Variants in SCN9A observed in about 807,000 individuals in gnomAD.
The protein encoded by SCN9A is sodium voltage-gated channel alpha subunit 9.
SCN9A carries 131 observed loss-of-function variants against 187.0 expected under a neutral mutation model. The observed-to-expected ratio is 0.70, with a 90% confidence interval of 0.61 to 0.81. The LOEUF is 0.81. Among genes scored for constraint, SCN9A ranks in the 30% least tolerant of loss-of-function variants. The pLI, the probability that SCN9A is intolerant of heterozygous loss-of-function variation, is 0.00. For missense variants in SCN9A, 2,252 were observed against 2,396.6 expected (o/e 0.94, Z 1.26); for synonymous variants, 809 against 808.6 (o/e 1.00, Z -0.01).
chr2:166,351,367 G>A (rs910368296), intron 1 of SCN9A, among the ~76,000 whole-genome samples: 3 of 152,156 alleles, frequency 2.0e-5, no homozygotes, highest in Non-Finnish European at 2.9e-5. Context: ...GGAATTTAGG[G>A]ATGATATGTG....
At chr2:166,221,468 A>G (rs936413213) in intron 24 of SCN9A, among the ~76,000 whole-genome samples, 1 of 152,128 alleles carries the variant, frequency 6.6e-6, no homozygotes, top group Non-Finnish European at 1.5e-5. Context: ...TGGCATGATC[A>G]TAGCTCACTG....
chr2:166,311,857 G>T, intron 1 of SCN9A, 51 bp from the exon 2 acceptor site: 2 of 1,188,782 alleles, frequency 1.7e-6, no homozygotes, highest in Non-Finnish European at 2.3e-6. Flanking sequence ...GCCAAGAAAG[G>T]CCCATTAAAA....
chr2:166,199,644 G>C lies in SCN9A; in HGVS notation c.4995C>G (p.Asn1665Lys). Residue 1665 changes from asparagine to lysine, a missense_variant, in exon 27 of 27, where the codon AAC becomes AAG. Physicochemically the swap from Asn to Lys is moderately conservative, Grantham distance 94. This residue lies in a region of SCN9A where 84 missense variants were observed against 134.2 expected (regional missense o/e 0.63). Transcript: ENST00000642356. The stretch of plus-strand genomic sequence containing the variant: ...CATCTTCCTTTTTAACATAGGCAAA[G>C]TTGGACATTCCAAAGATGGCGTAGA... ...MFIYAIFGMS[N>K]FAYVKKEDGI... 1 of 1,614,176 alleles carries C rather than the reference G, an allele frequency of 6.2e-7. No homozygotes were observed.
intron 24 of SCN9A, among the ~76,000 whole-genome samples, chr2:166,218,041 A>G (rs937188740): frequency 1.3e-5 from 2 of 151,952 alleles, no homozygotes; most frequent in African/African-American, 4.8e-5. Flanking sequence ...CAAAACCGCA[A>G]TTACTTTTGC....
chr2:166,245,975 T>G (rs1695770552), intron 18 of SCN9A, among the ~76,000 whole-genome samples: 1 of 152,036 alleles, frequency 6.6e-6, no homozygotes, highest in South Asian at 2.1e-4. Context: ...TAAGGTTATT[T>G]TCTAGCACTT....
chr2:166,280,226 A>G (rs1697415333), intron 14 of SCN9A, 131 bp downstream of exon 14: 3 of 617,174 alleles, frequency 4.9e-6, no homozygotes, highest in African/African-American at 1.8e-5. Flanking sequence ...CTACACATCC[A>G]TTCATATGGA....
chr2:166,318,955 G>C (rs973766002), intron 1 of SCN9A, among the ~76,000 whole-genome samples: 1 of 152,080 alleles, frequency 6.6e-6, no homozygotes, highest in African/African-American at 2.4e-5. Flanking sequence ...GCAGCAAATA[G>C]TAGATAGGAA....
chr2:166,275,481 G>A (rs1048274202), intron 16 of SCN9A, among the ~76,000 whole-genome samples: 3 of 152,012 alleles, frequency 2.0e-5, no homozygotes, highest in Non-Finnish European at 2.9e-5. Context: ...CTACTCAGGA[G>A]GCTGAGGCAG....
In SCN9A at chr2:166,195,998, A is replaced by C. The variant is rs1232981026; in HGVS notation, c.*2674T>G. Reference sequence around the variant, plus strand: ...AGAGTTGAGGCTGCAGAGAGCTATGATCATGCCATTGCACTCTAGCCTGGG... The same window carrying C: ...AGAGTTGAGGCTGCAGAGAGCTATGCTCATGCCATTGCACTCTAGCCTGGG... On this transcript the variant is annotated 3_prime_UTR_variant, in exon 27 of 27. Transcript: ENST00000642356. 1.1e-4 allele frequency: 17 copies of C among 152,246 alleles called. No individual in the cohort carries two copies. The highest frequency in any genetic ancestry group is 1.1e-3 in the Admixed American group (17 of 15,264). 9.4% of individuals were successfully genotyped at this position (152,246 alleles called of 1,614,324 possible).
At chr2:166,238,064 C>G (rs1013810588) in intron 20 of SCN9A, 30 bp downstream of exon 20, 3 of 1,543,810 alleles carry the variant, frequency 1.9e-6, no homozygotes, top group Admixed American at 3.6e-5. Flanking sequence ...AGAATAAATC[C>G]TCTTTTAAAA....
chr2:166,286,316 T>C lies in SCN9A; in HGVS notation c.1602+20A>G. Reference sequence around the variant, plus strand: ...AGCATTCTGCCTCGGGTGATACACATTTAGCAATTTGGGTGGTACCTGATT... The same window carrying C: ...AGCATTCTGCCTCGGGTGATACACACTTAGCAATTTGGGTGGTACCTGATT... On this transcript the variant is annotated intron_variant, in intron 11 of 26. Coordinates refer to ENST00000642356, the MANE Select transcript of SCN9A (RefSeq NM_001365536.1). 1 of 1,591,528 alleles carries C rather than the reference T, an allele frequency of 6.3e-7. No homozygotes were observed. Among genetic ancestry groups the C allele is most frequent in the South Asian group, 1.2e-5 (1 of 85,650 alleles).
intron 1 of SCN9A, among the ~76,000 whole-genome samples, chr2:166,374,527 T>A (rs955424921): frequency 2.0e-5 from 3 of 152,082 alleles, no homozygotes; most frequent in African/African-American, 7.2e-5. Context: ...ATAAACTTTT[T>A]TAAATAGTGG....
intron 9 of SCN9A, among the ~76,000 whole-genome samples, chr2:166,290,105 C>T (rs1217544796): frequency 6.6e-6 from 1 of 151,956 alleles, no homozygotes; most frequent in African/African-American, 2.4e-5. Context: ...TGTGTTGTTC[C>T]CCTCCCTGTG....
At chr2:166,332,499 G>C (rs1699528938) in intron 1 of SCN9A, among the ~76,000 whole-genome samples, 1 of 152,160 alleles carries the variant, frequency 6.6e-6, no homozygotes, top group South Asian at 2.1e-4. Flanking sequence ...GTTTTGCTAA[G>C]TGATTAAAGC....
intron 1 of SCN9A, among the ~76,000 whole-genome samples, chr2:166,316,167 T>C (rs887731684): frequency 6.6e-6 from 1 of 152,090 alleles, no homozygotes; most frequent in African/African-American, 2.4e-5. Flanking sequence ...AATAAAGATA[T>C]TAATATATCT....
chr2:166,231,903 A>T (rs1173237097), intron 21 of SCN9A, among the ~76,000 whole-genome samples: 2 of 152,130 alleles, frequency 1.3e-5, no homozygotes, highest in African/African-American at 2.4e-5. Flanking sequence ...CAGAGAAGGT[A>T]AGGTAGGGAG....
Position 166,307,389 on chromosome 2 carries a change from T to C in SCN9A, c.259-315A>G, listed in dbSNP as rs576773731. On this transcript the variant is annotated intron_variant, in intron 2 of 26. Transcript: ENST00000642356. ...AACAATAACTGTGGTTAAGTTATTT[T>C]AAAGTACAACTTCTTTCCCTTCCAT... 1.2e-3 allele frequency among the ~76,000 whole-genome samples: 189 copies of C among 152,344 alleles called. 1 individual carries two copies. Among genetic ancestry groups the C allele is most frequent in the African/African-American group, 4.3e-3 (179 of 41,582 alleles).
chr2:166,303,267 C>T lies in SCN9A; in HGVS notation c.724G>A (p.Val242Met). The change falls in exon 7 of 27, where the codon GTG (valine) becomes ATG (methionine). Residue 242 changes from valine to methionine, a missense_variant. This residue lies in a region of SCN9A where 1,013 missense variants were observed against 997.4 expected (regional missense o/e 1.02). Coordinates refer to ENST00000642356, the MANE Select transcript of SCN9A (RefSeq NM_001365536.1). The stretch of plus-strand genomic sequence containing the variant: ...ATCATGACATCAGAAAGCTTCTTCA[C>T]TGACTGGATCAAAGCCCCTACAATT... ...KTIVGALIQS[V>M]KKLSDVMILT... 1 of 1,613,536 alleles carries T rather than the reference C, an allele frequency of 6.2e-7. No individual in the cohort carries two copies.
rs1198396267 is a variant in SCN9A, at chr2:166,353,174, A to G, written c.-51+22523T>C. Among the ~76,000 whole-genome samples the G allele has an allele frequency of 2.0e-5, 3 of 150,956 alleles. No homozygotes were observed. The East Asian group carries it at 5.8e-4, about 29-fold the overall frequency. On this transcript the variant is annotated intron_variant, in intron 1 of 26. Transcript: ENST00000642356. Reference sequence around the variant, plus strand: ...GTTCAAGTCCAGCCTGACCAACATGATGAAACCCCTTCCCTTCAAAAATAC... The same window carrying G: ...GTTCAAGTCCAGCCTGACCAACATGGTGAAACCCCTTCCCTTCAAAAATAC...
Sources: allele counts gnomAD v4.1 joint callset (sites outside exome capture counted in the v4.1 genomes callset), GRCh38; gene constraint gnomAD v4.1.1; regional missense constraint gnomAD v4.1.1; transcripts MANE v1.5; gene names NCBI Gene and HGNC (gene_info 2026-07-23, HGNC 2026-07-21).